The following RAPGEF2 variants were observed in gnomAD, a reference collection of about 807,000 sequenced individuals.
The protein encoded by RAPGEF2 is PDZ domain containing guanine nucleotide exchange factor (GEF) 1.
Under a neutral mutation model 186.7 loss-of-function variants are expected in RAPGEF2, and 54 were observed. The observed-to-expected ratio is 0.29, with a 90% CI of 0.23 to 0.36. The LOEUF (loss-of-function observed/expected upper bound fraction) is 0.36, where lower values mean the gene tolerates loss of function less well. Among genes scored for constraint, RAPGEF2 ranks in the 10% least tolerant of loss-of-function variants. The probability of loss-of-function intolerance (pLI) is 1.00; values close to 1 mark genes in which losing one functional copy is unlikely to be tolerated. For missense variants in RAPGEF2, 1,532 were observed against 2,045.0 expected, an observed-to-expected ratio of 0.75 and a Z score of 4.84; for synonymous variants, 712 against 705.9, an observed-to-expected ratio of 1.01 and a Z score of -0.14.
At chr4:159,174,694 AC>A in intron 1 of RAPGEF2, among the ~76,000 whole-genome samples, 1 of 152,038 alleles carries the variant, frequency 6.6e-6, no homozygotes, top group East Asian at 1.9e-4. Context: ...TTTTAGACAA[AC>A]AGGGAATGAC....
At chr4:159,218,907 C>T (rs1202474780) in intron 4 of RAPGEF2, among the ~76,000 whole-genome samples, 1 of 152,158 alleles carries the variant, frequency 6.6e-6, no homozygotes, top group Non-Finnish European at 1.5e-5. Flanking sequence ...AACTCATTAT[C>T]ATGTTATTTT....
At chr4:159,139,545 GA>G (rs2111158714) in intron 1 of RAPGEF2, among the ~76,000 whole-genome samples, 1 of 151,898 alleles carries the variant, frequency 6.6e-6, no homozygotes, top group South Asian at 2.1e-4. Flanking sequence ...AGCATGTTCT[GA>G]AATACATGGA....
intron 1 of RAPGEF2, among the ~76,000 whole-genome samples, chr4:159,164,194 C>T (rs888510477): frequency 5.3e-5 from 8 of 151,636 alleles, no homozygotes; most frequent in Non-Finnish European, 1.2e-4. Flanking sequence ...TTAGTAGAGG[C>T]GGGGTTTCAC....
At chr4:159,304,022 G>A (rs1215952335) in intron 7 of RAPGEF2, among the ~76,000 whole-genome samples, 1 of 152,090 alleles carries the variant, frequency 6.6e-6, no homozygotes, top group Non-Finnish European at 1.5e-5. Flanking sequence ...TAGTACTGTA[G>A]CCTAATTTGC....
chr4:159,182,391 T>TTC (rs1561054819), intron 1 of RAPGEF2, among the ~76,000 whole-genome samples: 4 of 131,610 alleles, frequency 3.0e-5, no homozygotes, highest in Non-Finnish European at 4.9e-5. Context: ...TTCTTCTTTT[T>TTC]TTTTTTTTTT....
intron 1 of RAPGEF2, among the ~76,000 whole-genome samples, chr4:159,162,837 G>C (rs758997982): frequency 3.9e-5 from 6 of 152,096 alleles, no homozygotes; most frequent in Non-Finnish European, 8.8e-5. Context: ...CAGCATGCAA[G>C]GTATATTAAA....
At chr4:159,349,622 C>T (rs571950556) in intron 25 of RAPGEF2, among the ~76,000 whole-genome samples, 1 of 152,174 alleles carries the variant, frequency 6.6e-6, no homozygotes, top group Non-Finnish European at 1.5e-5. Context: ...TTCCTTAGAG[C>T]GCTTTCATTC....
chr4:159,330,295 G>GTGTGTGTGTGTGTGTGTGTA (rs1554038040), intron 12 of RAPGEF2, 39 bp from the exon 13 acceptor site: 53 of 924,450 alleles, frequency 5.7e-5, no homozygotes, highest in African/African-American at 4.4e-4. Context: ...GTGTGTGTGT[G>GTGTGTGTGTGTGTGTGTGTA]TATATATATG....
At position 159,331,549 on chromosome 4, in the gene RAPGEF2, T is replaced by C. The variant is rs755169799; in HGVS notation, c.1575+11T>C. On this transcript the variant is annotated intron_variant, in intron 14 of 29. Transcript: ENST00000691494. ...AATCTGGAAAGAGAGGTAATATTTG[T>C]GGTTTTTTTTAAGATCAGCTTAAAG... 5.0e-6 allele frequency: 8 copies of C among 1,611,054 alleles called. No homozygotes were observed. In the Admixed American group the frequency reaches 1.2e-4, roughly 24 times the overall value.
At chr4:159,306,837 A>T (rs190126388) in intron 8 of RAPGEF2, among the ~76,000 whole-genome samples, 1 of 152,316 alleles carries the variant, frequency 6.6e-6, no homozygotes, top group East Asian at 1.9e-4. Context: ...TGGATCATTG[A>T]ATTAGCTTCC....
chr4:159,289,652 G>A (rs1760939028), intron 7 of RAPGEF2, among the ~76,000 whole-genome samples: 1 of 152,120 alleles, frequency 6.6e-6, no homozygotes, highest in South Asian at 2.1e-4. Flanking sequence ...AAAGAGTGAT[G>A]AAAAAGACAC....
chr4:159,208,142 G>C (rs185944411), intron 3 of RAPGEF2, among the ~76,000 whole-genome samples: 1 of 152,168 alleles, frequency 6.6e-6, no homozygotes, highest in Non-Finnish European at 1.5e-5. Flanking sequence ...ATGGACTTGG[G>C]GGGAAAGATG....
At chr4:159,245,704 AGTGAC>A (rs578119677) in intron 7 of RAPGEF2, among the ~76,000 whole-genome samples, 3 of 152,156 alleles carry the variant, frequency 2.0e-5, no homozygotes, top group South Asian at 4.1e-4. Flanking sequence ...ACCTTATTGG[AGTGAC>A]GTGGGAAGCT....
At chr4:159,185,153 A>G (rs1258726403) in intron 1 of RAPGEF2, among the ~76,000 whole-genome samples, 1 of 152,214 alleles carries the variant, frequency 6.6e-6, no homozygotes, top group Non-Finnish European at 1.5e-5. Flanking sequence ...TTAAAATAAA[A>G]AGAGAGACAG....
At chr4:159,277,722 T>C (rs1759104866) in intron 7 of RAPGEF2, among the ~76,000 whole-genome samples, 1 of 152,244 alleles carries the variant, frequency 6.6e-6, no homozygotes, top group African/African-American at 2.4e-5. Context: ...CATAAATGTC[T>C]TCTTTTGTGA....
intron 3 of RAPGEF2, among the ~76,000 whole-genome samples, chr4:159,199,636 TTAGGG>T (rs1749196752): frequency 6.6e-6 from 1 of 152,210 alleles, no homozygotes; most frequent in Non-Finnish European, 1.5e-5. Flanking sequence ...AAAAACCTGT[TTAGGG>T]TAAGGTATAG....
intron 25 of RAPGEF2, 88 bp downstream of exon 25, chr4:159,347,086 T>C: frequency 8.1e-7 from 1 of 1,236,410 alleles, no homozygotes; most frequent in Non-Finnish European, 1.1e-6. Flanking sequence ...TGGATAACTT[T>C]GTCTAATATA....
At chr4:159,125,770 A>T (rs58689819) in intron 1 of RAPGEF2, among the ~76,000 whole-genome samples, 4,855 of 152,076 alleles carry the variant, frequency 0.032, 235 homozygotes, top group African/African-American at 0.11. Context: ...AAAAAAAAAA[A>T]AATAATAATT....
rs192871499 is a variant in RAPGEF2 at position 159,148,758 on chromosome 4, T to A, written c.70-37884T>A. The stretch of plus-strand genomic sequence containing the variant: ...AGTGTACGTTTATCTGCTTATTGGT[T>A]GCATTCTGGTGCAACTGTCAAGAAC... On this transcript the variant is annotated intron_variant, in intron 1 of 29. Transcript: ENST00000691494. 1.7e-4 allele frequency among the ~76,000 whole-genome samples: 26 copies of A among 152,356 alleles called. No individual in the cohort carries two copies. In the East Asian group the frequency reaches 2.1e-3, roughly 12 times the overall value.
Sources: gnomAD v4.1 joint callset for allele counts (sites outside exome capture counted in the v4.1 genomes callset) on GRCh38, gnomAD v4.1.1 for gene constraint, MANE v1.5 for transcripts, NCBI Gene and HGNC (gene_info 2026-07-23, HGNC 2026-07-21) for gene names.